HS3ST2: variants seen among roughly 807,000 people sequenced by gnomAD.
HS3ST2 encodes the protein heparan sulfate-glucosamine 3-sulfotransferase 2, also known as heparan sulfate glucosamine 3-O-sulfotransferase 2.
A neutral mutation model predicts 26.3 loss-of-function variants in HS3ST2; 17 were observed. That is an observed-to-expected ratio of 0.65 (90% confidence interval 0.44 to 0.97). The LOEUF is 0.97. HS3ST2 is among the 50% of genes least tolerant of loss of function. HS3ST2 has a pLI of 0.00. For synonymous variants in HS3ST2, 237 were observed against 219.2 expected (o/e 1.08, Z -0.72); for missense variants, 402 against 501.2 (o/e 0.80, Z 1.89).
intron 1 of HS3ST2, among the ~76,000 whole-genome samples, chr16:22,844,440 A>C (rs561192055): frequency 6.6e-6 from 1 of 152,264 alleles, no homozygotes; most frequent in South Asian, 2.1e-4. Flanking sequence ...TCCCAACTCT[A>C]TGCAGAGTCA....
At position 22,814,240 on chromosome 16, in the gene HS3ST2, G is replaced by A; in HGVS notation, c.-371G>A. On this transcript the variant is annotated 5_prime_UTR_variant, in exon 1 of 2. Coordinates refer to ENST00000261374, the MANE Select transcript of HS3ST2 (RefSeq NM_006043.2). ...ACCCGCCAGCCCGCACAGCCGCGCC[G>A]CCGCCGAGCGTTTCGTGAGCGGCGC... 1 of 195,520 alleles carries A rather than the reference G, an allele frequency of 5.1e-6. No individual in the cohort carries two copies. The highest frequency in any genetic ancestry group is 1.0e-5 in the Non-Finnish European group (1 of 97,270). 12.1% of individuals were successfully genotyped at this position (195,520 alleles called of 1,614,324 possible).
At chr16:22,821,945 T>C (rs1901001220) in intron 1 of HS3ST2, among the ~76,000 whole-genome samples, 1 of 152,068 alleles carries the variant, frequency 6.6e-6, no homozygotes, top group Non-Finnish European at 1.5e-5. Context: ...TTGGGTGTCT[T>C]CCTAAGCTTT....
chr16:22,911,060 A>T (rs1902419574), intron 1 of HS3ST2, among the ~76,000 whole-genome samples: 1 of 152,210 alleles, frequency 6.6e-6, no homozygotes, highest in African/African-American at 2.4e-5. Context: ...ATGAAAAATG[A>T]TGGAAAGGGC....
At chr16:22,863,493 G>A (rs976919411) in intron 1 of HS3ST2, among the ~76,000 whole-genome samples, 2 of 152,194 alleles carry the variant, frequency 1.3e-5, no homozygotes, top group Admixed American at 1.3e-4. Flanking sequence ...TGGGTATATT[G>A]TGTGATACTG....
At chr16:22,839,414 G>T (rs919539273) in intron 1 of HS3ST2, among the ~76,000 whole-genome samples, 3 of 152,324 alleles carry the variant, frequency 2.0e-5, no homozygotes, top group African/African-American at 7.2e-5. Flanking sequence ...CCTGCCTGGA[G>T]CTTCAGAATA....
chr16:22,818,773 CCTCCTTCCT>C (rs1900920587), intron 1 of HS3ST2, among the ~76,000 whole-genome samples: 1 of 38,692 alleles, frequency 2.6e-5, no homozygotes, highest in African/African-American at 1.8e-4. Flanking sequence ...TCCTTCCTTC[CCTCCTTCCT>C]TCCTTCCCTC....
intron 1 of HS3ST2, among the ~76,000 whole-genome samples, chr16:22,901,951 G>T (rs187907114): frequency 6.6e-6 from 1 of 151,890 alleles, no homozygotes; most frequent in Non-Finnish European, 1.5e-5. Flanking sequence ...AAATAAATCC[G>T]AATGCAAAAA....
intron 1 of HS3ST2, among the ~76,000 whole-genome samples, chr16:22,884,443 C>T (rs1032816577): frequency 5.3e-5 from 8 of 152,014 alleles, no homozygotes; most frequent in Non-Finnish European, 8.8e-5. Context: ...CAATAGTTTA[C>T]GGAGAGGATG....
chr16:22,907,755 C>T (rs1192250406), intron 1 of HS3ST2, among the ~76,000 whole-genome samples: 1 of 152,204 alleles, frequency 6.6e-6, no homozygotes, highest in African/African-American at 2.4e-5. Flanking sequence ...TAAGTTGGAG[C>T]TGCAGTTACA....
At chr16:22,843,357 C>A (rs1468886934) in intron 1 of HS3ST2, among the ~76,000 whole-genome samples, 3 of 152,182 alleles carry the variant, frequency 2.0e-5, no homozygotes, top group African/African-American at 4.8e-5. Context: ...AGCGTCAGAT[C>A]CCACGGGTTG....
chr16:22,872,069 C>T (rs189329138), intron 1 of HS3ST2, among the ~76,000 whole-genome samples: 8 of 152,144 alleles, frequency 5.3e-5, no homozygotes, highest in Non-Finnish European at 1.0e-4. Context: ...AGATACCCAA[C>T]GAGCCAATAG....
chr16:22,869,100 G>A (rs560194184), intron 1 of HS3ST2, among the ~76,000 whole-genome samples: 1 of 151,912 alleles, frequency 6.6e-6, no homozygotes, highest in South Asian at 2.1e-4. Flanking sequence ...TGAGATTTAT[G>A]TTGTTGTTGG....
intron 1 of HS3ST2, among the ~76,000 whole-genome samples, chr16:22,815,653 A>G (rs1278492909): frequency 1.3e-5 from 2 of 152,156 alleles, no homozygotes; most frequent in East Asian, 3.9e-4. Context: ...TTGCTGCTGT[A>G]CTGGGGCTGA....
chr16:22,845,294 C>G (rs1348468228), intron 1 of HS3ST2, among the ~76,000 whole-genome samples: 1 of 148,006 alleles, frequency 6.8e-6, no homozygotes, highest in Non-Finnish European at 1.5e-5. Context: ...TGCCAATGCT[C>G]TCATCACTTC....
chr16:22,898,649 G>A (rs1902239913), intron 1 of HS3ST2, among the ~76,000 whole-genome samples: 1 of 152,180 alleles, frequency 6.6e-6, no homozygotes, highest in East Asian at 1.9e-4. Context: ...GACATGCAGA[G>A]CTGGACCATT....
intron 1 of HS3ST2, among the ~76,000 whole-genome samples, chr16:22,888,233 A>T (rs1212206230): frequency 1.3e-5 from 2 of 152,106 alleles, no homozygotes; most frequent in African/African-American, 4.8e-5. Flanking sequence ...AGGAGAACCA[A>T]ATCTGAACAC....
intron 1 of HS3ST2, among the ~76,000 whole-genome samples, chr16:22,877,245 G>A (rs1009596485): frequency 1.3e-4 from 20 of 152,198 alleles, no homozygotes; most frequent in African/African-American, 4.6e-4. Flanking sequence ...CTGAATGGCT[G>A]GGTGACTGCA....
intron 1 of HS3ST2, among the ~76,000 whole-genome samples, chr16:22,907,000 G>A (rs1299620612): frequency 6.6e-6 from 1 of 152,264 alleles, no homozygotes; most frequent in African/African-American, 2.4e-5. Flanking sequence ...GCTAGTAGGC[G>A]GTTATACAAA....
intron 1 of HS3ST2, among the ~76,000 whole-genome samples, chr16:22,837,581 A>C (rs940624819): frequency 2.2e-4 from 31 of 138,356 alleles, no homozygotes; most frequent in Non-Finnish European, 4.7e-4. Context: ...ATATATATAC[A>C]CACACACACG....
Sources: gnomAD v4.1 joint callset for allele counts (sites outside exome capture counted in the v4.1 genomes callset) on GRCh38, gnomAD v4.1.1 for gene constraint, MANE v1.5 for transcripts, NCBI Gene and HGNC (gene_info 2026-07-23, HGNC 2026-07-21) for gene names.